Variants in CCNB3 observed in about 807,000 individuals in gnomAD.
The protein encoded by CCNB3 is G2/mitotic-specific cyclin-B3.
Under a neutral mutation model 68.0 loss-of-function variants are expected in CCNB3, and 12 were observed. The observed-to-expected ratio is 0.18, with a 90% CI of 0.11 to 0.29. The LOEUF (loss-of-function observed/expected upper bound fraction) is 0.29, where lower values mean the gene tolerates loss of function less well. Among genes scored for constraint, CCNB3 ranks in the 10% least tolerant of loss-of-function variants. The pLI is 1.00. For synonymous variants in CCNB3, 354 were observed against 388.9 expected (o/e 0.91, Z 1.06); for missense variants, 904 against 993.1 (o/e 0.91, Z 1.21).
chrX:50,219,384 G>A (rs1473124188), intron 1 of CCNB3, among the ~76,000 whole-genome samples: 3 of 110,983 alleles, frequency 2.7e-5, no homozygotes, highest in Non-Finnish European at 3.8e-5. Context: ...GGTTTTCTTC[G>A]GGGGTTTTTA....
At chrX:50,224,976 G>A (rs1361818722) in intron 1 of CCNB3, among the ~76,000 whole-genome samples, 1 of 111,830 alleles carries the variant, frequency 8.9e-6, no homozygotes, top group Non-Finnish European at 1.9e-5. Context: ...CAAACATATA[G>A]TAAATAATTT....
chrX:50,283,350 C>T (rs1463973906), intron 1 of CCNB3, among the ~76,000 whole-genome samples: 2 of 111,427 alleles, frequency 1.8e-5, no homozygotes, highest in Non-Finnish European at 3.8e-5. Context: ...GCAGTCTATG[C>T]CCCTTAATAG....
At chrX:50,303,175 T>C (rs1360072823) in intron 5 of CCNB3, among the ~76,000 whole-genome samples, 3 of 111,327 alleles carry the variant, frequency 2.7e-5, no homozygotes, top group African/African-American at 9.8e-5. Flanking sequence ...AGACAGAGTC[T>C]CACTCTGTCA....
chrX:50,304,947 A>G (rs1395027183), intron 5 of CCNB3, among the ~76,000 whole-genome samples: 2 of 112,192 alleles, frequency 1.8e-5, no homozygotes, highest in Non-Finnish European at 3.8e-5. Context: ...AATCAAAACC[A>G]TAATGAGATA....
chrX:50,322,308 A>T (rs1557216669), intron 8 of CCNB3, among the ~76,000 whole-genome samples: 1 of 111,123 alleles, frequency 9.0e-6, no homozygotes, highest in East Asian at 2.8e-4. Context: ...CCTGACAAAA[A>T]CAAGCAATGG....
intron 1 of CCNB3, among the ~76,000 whole-genome samples, chrX:50,280,976 A>C (rs1936126218): frequency 1.8e-5 from 2 of 109,702 alleles, no homozygotes; most frequent in South Asian, 8.1e-4. Flanking sequence ...GCCCAGGCTC[A>C]TCTCCAACTC....
chrX:50,280,600 G>T (rs1443469998), intron 1 of CCNB3, among the ~76,000 whole-genome samples: 2 of 109,768 alleles, frequency 1.8e-5, no homozygotes, highest in African/African-American at 6.6e-5. Context: ...AGTAACTTCT[G>T]CCTTGCTTCC....
At position 50,335,391 on chromosome X, in the gene CCNB3, A is replaced by G. The variant is rs185903843; in HGVS notation, c.3517-6811A>G. Among the ~76,000 whole-genome samples, 556 of 112,039 alleles carry G rather than the reference A, an allele frequency of 5.0e-3. 5 individuals are homozygous for G. Among genetic ancestry groups the G allele is most frequent in the Middle Eastern group, 0.041 (9 of 217 alleles). On this transcript the variant is annotated intron_variant, in intron 8 of 12. Coordinates refer to ENST00000376042, the MANE Select transcript of CCNB3 (RefSeq NM_033031.3). ...AAAGGTTAGGAACTGTTGGGTGCAGAGTCACTGTAGCTTGGTTGACCAAGC... is the reference window on the plus strand; with the variant it reads ...AAAGGTTAGGAACTGTTGGGTGCAGGGTCACTGTAGCTTGGTTGACCAAGC...
At chrX:50,221,902 T>A (rs1935680274) in intron 1 of CCNB3, among the ~76,000 whole-genome samples, 1 of 111,061 alleles carries the variant, frequency 9.0e-6, no homozygotes, top group East Asian at 2.8e-4. Flanking sequence ...TGTGTGGGAG[T>A]CTAAGTCTCT....
chrX:50,294,701 A>G (rs1557210577), intron 4 of CCNB3, among the ~76,000 whole-genome samples, 162 bp from the exon 5 acceptor site: 1 of 111,608 alleles, frequency 9.0e-6, no homozygotes, highest in African/African-American at 3.3e-5. Flanking sequence ...GCCCACTGCC[A>G]TACTGGTTGT....
At chrX:50,211,907 A>G (rs1174958575) in intron 1 of CCNB3, among the ~76,000 whole-genome samples, 1 of 112,113 alleles carries the variant, frequency 8.9e-6, no homozygotes, top group African/African-American at 3.2e-5. Flanking sequence ...TAATATTTCC[A>G]TCATGAAGAT....
intron 1 of CCNB3, among the ~76,000 whole-genome samples, chrX:50,227,659 A>AAAATATATATAGAGAGAATATATATAT (rs1935911904): frequency 1.2e-3 from 3 of 2,496 alleles, no homozygotes; most frequent in East Asian, 0.011. Context: ...AATATATATA[A>AAAATATATATAGAGAGAATATATATAT]AAATATATAT....
chrX:50,217,102 A>G (rs1049182611), intron 1 of CCNB3, among the ~76,000 whole-genome samples: 1,589 of 109,602 alleles, frequency 0.014, 13 homozygotes, highest in Non-Finnish European at 0.023. Context: ...ATTGACCCAT[A>G]CTTTGCTCTT....
At chrX:50,280,042 A>G (rs1255556153) in intron 1 of CCNB3, among the ~76,000 whole-genome samples, 1 of 85,778 alleles carries the variant, frequency 1.2e-5, no homozygotes, top group African/African-American at 4.6e-5. Context: ...ATATATAGAC[A>G]GAATATATAT....
intron 1 of CCNB3, among the ~76,000 whole-genome samples, chrX:50,279,332 T>G (rs1436574644): frequency 1.3e-5 from 1 of 75,477 alleles, no homozygotes; most frequent in African/African-American, 5.4e-5. Flanking sequence ...TTTAAATATA[T>G]ATGAATATAT....
intron 5 of CCNB3, among the ~76,000 whole-genome samples, chrX:50,305,941 CTT>C (rs782315666): frequency 3.7e-5 from 3 of 81,238 alleles, no homozygotes; most frequent in African/African-American, 9.1e-5. Flanking sequence ...ACCACACCAG[CTT>C]TTTTTTTTTT....
At chrX:50,226,428 T>A (rs1461078249) in intron 1 of CCNB3, among the ~76,000 whole-genome samples, 2 of 64,556 alleles carry the variant, frequency 3.1e-5, no homozygotes, top group African/African-American at 1.3e-4. Context: ...ATATGTAGAA[T>A]ATATAAAAAT....
intron 8 of CCNB3, among the ~76,000 whole-genome samples, chrX:50,324,484 CAT>C (rs1373819827): frequency 8.9e-6 from 1 of 112,406 alleles, no homozygotes; most frequent in Non-Finnish European, 1.9e-5. Flanking sequence ...ATCTTCCTCA[CAT>C]GTGCTTGCAT....
chrX:50,319,249 G>A (rs1223813996), intron 8 of CCNB3, among the ~76,000 whole-genome samples: 11 of 110,923 alleles, frequency 9.9e-5, no homozygotes, highest in African/African-American at 2.3e-4. Flanking sequence ...GAATTGGCGC[G>A]TTACTATGTT....
Sources: gnomAD v4.1 joint callset for allele counts (sites outside exome capture counted in the v4.1 genomes callset) on GRCh38, gnomAD v4.1.1 for gene constraint, MANE v1.5 for transcripts, NCBI Gene and HGNC (gene_info 2026-07-23, HGNC 2026-07-21) for gene names.